TTLL7: variants seen among roughly 807,000 people sequenced by gnomAD.
TTLL7 encodes tubulin tyrosine ligase like 7.
TTLL7 carries 53 observed loss-of-function variants against 120.2 expected under a neutral mutation model. The observed-to-expected ratio is 0.44, with a 90% CI of 0.35 to 0.55. The LOEUF (loss-of-function observed/expected upper bound fraction) is 0.55, where lower values mean the gene tolerates loss of function less well. Among genes scored for constraint, TTLL7 ranks in the 20% least tolerant of loss-of-function variants. The pLI, the probability that TTLL7 is intolerant of heterozygous loss-of-function variation, is 0.00. For synonymous variants in TTLL7, 353 were observed against 351.7 expected (o/e 1.00, Z -0.04); for missense variants, 803 against 1,054.7 (o/e 0.76, Z 3.31).
intron 18 of TTLL7, chr1:83,900,037 C>A: frequency 3.0e-6 from 1 of 329,072 alleles, no homozygotes; most frequent in Non-Finnish European, 5.9e-6. Context: ...CATAATAACC[C>A]TAAAACATAT....
chr1:83,870,009 T>C lies in TTLL7; in HGVS notation c.2617A>G (p.Met873Val). 1 of 1,591,242 alleles carries C rather than the reference T, an allele frequency of 6.3e-7. No homozygotes were observed. Residue 873 changes from methionine to valine, a missense_variant, in exon 21 of 21, where the codon ATG becomes GTG. Met to Val is a conservative substitution (Grantham distance 21). This residue lies in a region of TTLL7 where 388 missense variants were observed against 450.4 expected (regional missense o/e 0.86). Coordinates refer to ENST00000260505, the MANE Select transcript of TTLL7 (RefSeq NM_024686.6). Reference sequence around the variant, plus strand: ...GTAAACAAAACATTGGAGCGAGTCATTCCAGGTGAATTGTACTTCAAGTTG... The same window carrying C: ...GTAAACAAAACATTGGAGCGAGTCACTCCAGGTGAATTGTACTTCAAGTTG... ...TYNLKYNSPG[M>V]TRSNVLFTSR...
chr1:83,890,533 A>C (rs779579693), intron 18 of TTLL7, 52 bp from the exon 19 acceptor site: 3 of 1,468,218 alleles, frequency 2.0e-6, no homozygotes, highest in Non-Finnish European at 2.8e-6. Flanking sequence ...TCTGTGTCTA[A>C]AATTCAAAGA....
chr1:83,954,242 T>C (rs1211341905), intron 1 of TTLL7, among the ~76,000 whole-genome samples: 3 of 152,150 alleles, frequency 2.0e-5, no homozygotes, highest in Non-Finnish European at 4.4e-5. Context: ...TTGACTTAAA[T>C]AATAAGTCAA....
At chr1:83,944,276 A>T (rs1456304698) in intron 6 of TTLL7, among the ~76,000 whole-genome samples, 1 of 152,174 alleles carries the variant, frequency 6.6e-6, no homozygotes, top group Non-Finnish European at 1.5e-5. Context: ...CCAATTTGAT[A>T]AAAACATTAA....
chr1:83,998,748 A>G (rs1052948087), intron 1 of TTLL7, among the ~76,000 whole-genome samples, 183 bp downstream of exon 1: 28 of 152,060 alleles, frequency 1.8e-4, no homozygotes, highest in African/African-American at 6.5e-4. Context: ...TCAGGGCACG[A>G]ATGGTGCTGA....
intron 5 of TTLL7, 107 bp from the exon 6 acceptor site, chr1:83,947,389 C>T (rs1648607389): frequency 2.1e-6 from 2 of 964,426 alleles, no homozygotes; most frequent in Non-Finnish European, 3.0e-6. Flanking sequence ...TTCTCCATTC[C>T]TTCATTTACT....
intron 10 of TTLL7, among the ~76,000 whole-genome samples, chr1:83,921,659 T>G (rs1658684037): frequency 6.6e-6 from 1 of 152,132 alleles, no homozygotes; most frequent in Non-Finnish European, 1.5e-5. Context: ...TAGTTTCACA[T>G]TTTGCCCCAA....
intron 18 of TTLL7, among the ~76,000 whole-genome samples, chr1:83,897,129 G>A (rs966061792): frequency 1.3e-5 from 2 of 151,902 alleles, no homozygotes; most frequent in African/African-American, 4.8e-5. Flanking sequence ...ACAGAAAAAA[G>A]GAAAGCATGT....
At position 83,921,302 on chromosome 1, in the gene TTLL7, C is replaced by T. The variant is rs1435061144; in HGVS notation, c.1235G>A (p.Gly412Asp). 5.6e-6 allele frequency: 9 copies of T among 1,613,068 alleles called. No homozygotes were observed. The highest frequency in any genetic ancestry group is 7.6e-6 in the Non-Finnish European group (9 of 1,179,784). The part of the protein sequence containing the change: ...GQNSIKRLLP[G>D]SSDWEQQRHQ... Reference sequence around the variant, plus strand: ...TCTCTGCTGTTCCCAGTCTGAGGAGCCTGGTAAGAGCCTTTTAATTGAATT... The same window carrying T: ...TCTCTGCTGTTCCCAGTCTGAGGAGTCTGGTAAGAGCCTTTTAATTGAATT... Residue 412 changes from glycine (G) to aspartate (D), a missense_variant, in exon 11 of 21, where the codon GGC becomes GAC. Gly to Asp is a moderately conservative substitution (Grantham distance 94). Around this residue, in one of 3 missense-constraint regions of TTLL7, gnomAD observed 324 missense variants for 507.7 expected, o/e 0.64. Transcript: ENST00000260505.
intron 10 of TTLL7, among the ~76,000 whole-genome samples, chr1:83,928,226 C>T (rs1264766166): frequency 1.3e-5 from 2 of 152,092 alleles, no homozygotes; most frequent in South Asian, 2.1e-4. Flanking sequence ...CATGTATAGG[C>T]ATATTGTTTG....
rs775083276 is a variant in TTLL7 at position 83,906,356 on chromosome 1, A to C, written c.2100T>G (p.Asp700Glu). ...CTTCTATCAGAAGTTCTGATTCTGCATCTGACTTTCCTGGAAACCGGATCT... is the reference window on the plus strand; with the variant it reads ...CTTCTATCAGAAGTTCTGATTCTGCCTCTGACTTTCCTGGAAACCGGATCT... ...DMKIRFPGKS[D>E]AESELLIEDI... The change falls in exon 17 of 21, where the codon GAT (aspartate) becomes GAG (glutamate). Residue 700 changes from aspartate (D) to glutamate (E), a missense_variant. This residue lies in a region of TTLL7 where 388 missense variants were observed against 450.4 expected (regional missense o/e 0.86). Coordinates refer to ENST00000260505, the MANE Select transcript of TTLL7 (RefSeq NM_024686.6). 7 of 1,612,350 alleles carry C rather than the reference A, an allele frequency of 4.3e-6. No individual in the cohort carries two copies. Among genetic ancestry groups the C allele is most frequent in the Admixed American group, 1.7e-5 (1 of 59,868 alleles).
chr1:83,991,026 A>C (rs1255589294), intron 1 of TTLL7, among the ~76,000 whole-genome samples: 1 of 152,218 alleles, frequency 6.6e-6, no homozygotes, highest in South Asian at 2.1e-4. Context: ...AAAACTAAGG[A>C]AATTCTGACA....
At chr1:83,892,463 CAT>C (rs748653758) in intron 18 of TTLL7, among the ~76,000 whole-genome samples, 3,632 of 56,944 alleles carry the variant, frequency 0.064, 558 homozygotes, top group Non-Finnish European at 0.083. Flanking sequence ...CATATATGAA[CAT>C]ATATATGAAC....
Position 83,870,065 on chromosome 1 carries a change from C to G in TTLL7, c.2561G>C (p.Ser854Thr), listed in dbSNP as rs1653201208. The change falls in exon 21 of 21, where the codon AGC (serine) becomes ACC (threonine). Residue 854 changes from serine (S) to threonine (T), a missense_variant. Transcript: ENST00000260505. Reference protein sequence around the residue: ...WGNSRYLLPGSTQFFLRTPTY... With the variant: ...WGNSRYLLPGTTQFFLRTPTY... ...TGGTGTTCTCAAGAAGAATTGGGTG[C>G]TCCCTGGTAGTAAATACCTAAAAAT... 6.4e-7 allele frequency: 1 copy of G among 1,566,864 alleles called. No homozygotes were observed. Among genetic ancestry groups the G allele is most frequent in the African/African-American group, 1.4e-5 (1 of 71,950 alleles).
intron 20 of TTLL7, among the ~76,000 whole-genome samples, chr1:83,881,344 T>C (rs1251683032): frequency 6.6e-6 from 1 of 150,386 alleles, no homozygotes; most frequent in Non-Finnish European, 1.5e-5. Context: ...CCTACTCATC[T>C]GACAAAGGGC....
At chr1:83,906,263 T>C in intron 17 of TTLL7, 66 bp downstream of exon 17, 1 of 1,373,034 alleles carries the variant, frequency 7.3e-7, no homozygotes, top group Non-Finnish European at 1.0e-6. Context: ...GGAAATAAAT[T>C]TTAATATTTT....
chr1:83,874,572 C>T (rs1346207516), intron 20 of TTLL7, among the ~76,000 whole-genome samples: 2 of 152,038 alleles, frequency 1.3e-5, no homozygotes, highest in Admixed American at 6.6e-5. Context: ...AACTGCCACA[C>T]AGTTTTAGAT....
chr1:83,956,718 C>T (rs748854848), intron 1 of TTLL7, among the ~76,000 whole-genome samples: 42 of 152,208 alleles, frequency 2.8e-4, no homozygotes, highest in Non-Finnish European at 5.7e-4. Context: ...GCGTGAGCCA[C>T]TGTGCCCAGC....
rs550418482 is a variant in TTLL7, at chr1:83,869,020, GGCTA to G, written c.*938_*941del. The G allele has an allele frequency of 1.4e-4, 21 of 148,974 alleles. No homozygotes were observed. The South Asian group carries it at 4.4e-3, about 31-fold the overall frequency. The allele number at this position is 148,974 out of a possible 1,614,324, so 9.2% of individuals were successfully genotyped here. A position where few individuals can be genotyped will look rare whatever the true frequency, so the allele number is the denominator to read the frequency against. Reference sequence around the variant, plus strand: ...GACAGAGTTTCACTCTTGTCACCCAGGCTAGAATGCAATGGCACAATCTCGGCTC... The same window carrying G: ...GACAGAGTTTCACTCTTGTCACCCAGGAATGCAATGGCACAATCTCGGCTC... On this transcript the variant is annotated 3_prime_UTR_variant, in exon 21 of 21. Transcript: ENST00000260505.
Sources: allele counts gnomAD v4.1 joint callset (sites outside exome capture counted in the v4.1 genomes callset), GRCh38; gene constraint gnomAD v4.1.1; regional missense constraint gnomAD v4.1.1; transcripts MANE v1.5; gene names NCBI Gene and HGNC (gene_info 2026-07-23, HGNC 2026-07-21).